Variants in SPSB1 observed in about 807,000 individuals in gnomAD.
The protein encoded by SPSB1 is SPRY domain-containing SOCS box protein 1.
In SPSB1, 8 loss-of-function variants were observed where a neutral mutation model predicts 21.2. That is an observed-to-expected ratio of 0.38 (90% confidence interval 0.22 to 0.68). SPSB1 has a LOEUF of 0.68. Ranked by LOEUF, SPSB1 falls within the 30% of genes least tolerant of loss-of-function variation. The probability of loss-of-function intolerance (pLI) is 0.53; values close to 1 mark genes in which losing one functional copy is unlikely to be tolerated. For synonymous variants in SPSB1, 169 were observed against 161.7 expected (o/e 1.05, Z -0.34); for missense variants, 242 against 377.8 (o/e 0.64, Z 2.98).
rs1640201675 is a variant in SPSB1, at chr1:9,348,612, G to A, written c.-149-7131G>A. Among the ~76,000 whole-genome samples, 1 of 152,050 alleles carries A rather than the reference G, an allele frequency of 6.6e-6. No individual in the cohort carries two copies. Among genetic ancestry groups the A allele is most frequent in the Non-Finnish European group, 1.5e-5 (1 of 67,994 alleles). ...CAGACCTGGCTGCCCCCACCTGGAG[G>A]AGCCCACGAAACTGGAGGGATTTGC... is the stretch of plus-strand genomic sequence containing the variant. On this transcript the variant is annotated intron_variant, in intron 1 of 2. Transcript: ENST00000328089. The surrounding 1 kb of genome is among the most constrained non-coding windows in gnomAD (Gnocchi z 4.8).
rs1161935318 is a variant in SPSB1 at position 9,338,852 on chromosome 1, T to TG, written c.-149-16890dup. Among the ~76,000 whole-genome samples, 4 of 151,416 alleles carry TG rather than the reference T, an allele frequency of 2.6e-5. No homozygotes were observed. The East Asian group carries it at 7.7e-4, about 29-fold the overall frequency. ...CTCTGCTGTGCTTTCCTGAATGGGA[T>TG]GAGGGGGTCTTTGGGTCTTGGGGAG... On this transcript the variant is annotated intron_variant, in intron 1 of 2. Transcript: ENST00000328089.
chr1:9,337,453 C>T (rs767865217), intron 1 of SPSB1, among the ~76,000 whole-genome samples: 1 of 151,708 alleles, frequency 6.6e-6, no homozygotes, highest in Non-Finnish European at 1.5e-5. Context: ...CTCGTTTTAA[C>T]TTTAAGGCCT....
rs542401514 is a variant in SPSB1 at position 9,305,331 on chromosome 1, G to A, written c.-150+12260G>A. On this transcript the variant is annotated intron_variant, in intron 1 of 2. Transcript: ENST00000328089. The surrounding 1 kb of genome is among the most constrained non-coding windows in gnomAD (Gnocchi z 4.8). Reference sequence around the variant, plus strand: ...TTCAGCAGGTAGCCCTGCCATCCACGGTCCACCCTGTCACCCAGACACATG... The same window carrying A: ...TTCAGCAGGTAGCCCTGCCATCCACAGTCCACCCTGTCACCCAGACACATG... Among the ~76,000 whole-genome samples the A allele has an allele frequency of 6.6e-6, 1 of 152,252 alleles. No individual in the cohort carries two copies. Among genetic ancestry groups the A allele is most frequent in the South Asian group, 2.1e-4 (1 of 4,828 alleles).
intron 1 of SPSB1, among the ~76,000 whole-genome samples, chr1:9,316,612 G>A (rs948519459): frequency 7.2e-5 from 11 of 152,148 alleles, no homozygotes; most frequent in Non-Finnish European, 1.0e-4. Context: ...GGCTGGGAGC[G>A]TTTTGCTACC....
At chr1:9,330,105 A>G (rs1291017945) in intron 1 of SPSB1, among the ~76,000 whole-genome samples, 1 of 152,218 alleles carries the variant, frequency 6.6e-6, no homozygotes, top group Non-Finnish European at 1.5e-5. Context: ...GTCAAAGATC[A>G]GTGGCGTAAA....
At position 9,348,935 on chromosome 1, in the gene SPSB1, G is replaced by A. The variant is rs1002632195; in HGVS notation, c.-149-6808G>A. The stretch of plus-strand genomic sequence containing the variant: ...GGGACATCCCCTTTCACTCGTGCAA[G>A]AATGTGTGTGTGTGTGTGTGTGTGT... On this transcript the variant is annotated intron_variant, in intron 1 of 2. Transcript: ENST00000328089. This position sits in a 1 kb window ranked among gnomAD's most constrained non-coding sequence, Gnocchi z 4.8. Among the ~76,000 whole-genome samples, 1 of 49,684 alleles carries A rather than the reference G, an allele frequency of 2.0e-5. No individual in the cohort carries two copies. Among genetic ancestry groups the A allele is most frequent in the African/African-American group, 1.4e-4 (1 of 7,300 alleles). The allele number at this position is 49,684 out of a possible 152,430, so 32.6% of individuals were successfully genotyped here.
intron 2 of SPSB1, among the ~76,000 whole-genome samples, chr1:9,366,832 C>G (rs1640580081): frequency 6.6e-6 from 1 of 152,198 alleles, no homozygotes; most frequent in Non-Finnish European, 1.5e-5. Flanking sequence ...CCTTGGCCTC[C>G]CAAAATGCTG....
At chr1:9,358,023 G>T (rs1024052629) in intron 2 of SPSB1, among the ~76,000 whole-genome samples, 12 of 152,126 alleles carry the variant, frequency 7.9e-5, no homozygotes, top group Admixed American at 3.3e-4. Flanking sequence ...GAGGCAGAGG[G>T]GGGTGAGGCC....
rs776459202 is a variant in SPSB1 at position 9,355,947 on chromosome 1, A to T, written c.56A>T (p.Tyr19Phe). Residue 19 changes from tyrosine to phenylalanine, a missense_variant, in exon 2 of 3, where the codon TAC becomes TTC. Transcript: ENST00000328089. ...ACTGTGGACATGAGGGACCCCACGTACAGGCCCCTGAAGCAGGAGCTCCAG... is the reference window on the plus strand; with the variant it reads ...ACTGTGGACATGAGGGACCCCACGTTCAGGCCCCTGAAGCAGGAGCTCCAG... The part of the protein sequence containing the change: ...IKTVDMRDPT[Y>F]RPLKQELQGL... 1.2e-6 allele frequency: 2 copies of T among 1,612,702 alleles called. No homozygotes were observed. The highest frequency in any genetic ancestry group is 1.7e-6 in the Non-Finnish European group (2 of 1,179,198).
intron 1 of SPSB1, among the ~76,000 whole-genome samples, chr1:9,307,364 C>T (rs536327790): frequency 2.6e-5 from 4 of 152,340 alleles, no homozygotes; most frequent in African/African-American, 4.8e-5. Context: ...TTCATCCCGC[C>T]GGAAGGAAAC....
chr1:9,311,479 G>A (rs549796114), intron 1 of SPSB1, among the ~76,000 whole-genome samples: 10 of 152,196 alleles, frequency 6.6e-5, no homozygotes, highest in African/African-American at 2.4e-4. Context: ...ACAAATATTC[G>A]CTGGTCTCTT....
intron 2 of SPSB1, among the ~76,000 whole-genome samples, chr1:9,361,258 C>T (rs957428569): frequency 2.7e-5 from 4 of 147,782 alleles, no homozygotes; most frequent in Non-Finnish European, 5.9e-5. Context: ...CTGCCTCGGT[C>T]TTCCAAAGTG....
At chr1:9,353,779 G>C (rs757946123) in intron 1 of SPSB1, among the ~76,000 whole-genome samples, 1 of 152,106 alleles carries the variant, frequency 6.6e-6, no homozygotes, top group African/African-American at 2.4e-5. Context: ...TTAGCTGGGC[G>C]TGGTGGTGGG....
intron 1 of SPSB1, among the ~76,000 whole-genome samples, chr1:9,335,618 G>C (rs1271533933): frequency 2.6e-5 from 4 of 152,124 alleles, no homozygotes; most frequent in African/African-American, 9.7e-5. Flanking sequence ...AGACCAGCCT[G>C]GGGGAGATCC....
At chr1:9,354,576 G>T (rs1026124923) in intron 1 of SPSB1, among the ~76,000 whole-genome samples, 1 of 152,084 alleles carries the variant, frequency 6.6e-6, no homozygotes, top group Non-Finnish European at 1.5e-5. Flanking sequence ...ACTTTGGGAG[G>T]CCAAGCCGGG....
At chr1:9,350,925 G>A (rs1640245743) in intron 1 of SPSB1, among the ~76,000 whole-genome samples, 1 of 152,236 alleles carries the variant, frequency 6.6e-6, no homozygotes, top group Non-Finnish European at 1.5e-5. Flanking sequence ...CCCGGTGCTG[G>A]ATGCCCTCCT....
chr1:9,340,610 C>A (rs1055090482), intron 1 of SPSB1, among the ~76,000 whole-genome samples: 1 of 152,226 alleles, frequency 6.6e-6, no homozygotes, highest in African/African-American at 2.4e-5. Flanking sequence ...AAGATGGCAG[C>A]CTGTGGGGCT....
Position 9,293,990 on chromosome 1 carries a change from CTG to C in SPSB1, c.-150+925_-150+926del, listed in dbSNP as rs919381771. On this transcript the variant is annotated intron_variant, in intron 1 of 2. Transcript: ENST00000328089. The surrounding 1 kb of genome is among the most constrained non-coding windows in gnomAD (Gnocchi z 5.1). ...TGTGCCTCTGAGTGTGTGTGTGAGT[CTG>C]TGTGTCTGTCAATGTGTGCCTGAGA... Among the ~76,000 whole-genome samples the C allele has an allele frequency of 9.3e-3, 1,402 of 151,174 alleles. 19 individuals carry two copies. The highest frequency in any genetic ancestry group is 0.032 in the African/African-American group (1,299 of 41,134).
chr1:9,362,074 A>G (rs1032703631), intron 2 of SPSB1, among the ~76,000 whole-genome samples: 7 of 152,236 alleles, frequency 4.6e-5, no homozygotes, highest in Non-Finnish European at 1.0e-4. Flanking sequence ...CGTCTCCTCA[A>G]GATCAGAGCC....
Sources: gnomAD v4.1 joint callset for allele counts (sites outside exome capture counted in the v4.1 genomes callset) on GRCh38, gnomAD v4.1.1 for gene constraint, Gnocchi (gnomAD v3.1) non-coding constraint, MANE v1.5 for transcripts, NCBI Gene and HGNC (gene_info 2026-07-23, HGNC 2026-07-21) for gene names.